The following SAMD12 variants were observed in gnomAD, a reference collection of about 807,000 sequenced individuals.
SAMD12 encodes sterile alpha motif domain containing 12.
A neutral mutation model predicts 15.0 loss-of-function variants in SAMD12; 9 were observed. That is an observed-to-expected ratio of 0.60 (90% CI 0.36 to 1.05). SAMD12 has a LOEUF of 1.05. Ranked by LOEUF, SAMD12 falls within the 50% of genes least tolerant of loss-of-function variation. The pLI is 0.01. For synonymous variants in SAMD12, 86 were observed against 90.1 expected (o/e 0.96, Z 0.25); for missense variants, 230 against 234.2 (o/e 0.98, Z 0.12).
intron 2 of SAMD12, among the ~76,000 whole-genome samples, chr8:118,543,308 A>C (rs1826035058): frequency 2.0e-5 from 3 of 152,180 alleles, no homozygotes; most frequent in Admixed American, 1.3e-4. Flanking sequence ...TACAACTTCC[A>C]AATCTCTTAT....
rs1483676886 is a variant in SAMD12 at position 118,580,951 on chromosome 8, G to A, written c.14-58C>T. 4 of 1,371,882 alleles carry A rather than the reference G, an allele frequency of 2.9e-6. No homozygotes were observed. The Admixed American group carries it at 8.6e-5, about 29-fold the overall frequency. 85.0% of individuals were successfully genotyped at this position (1,371,882 alleles called of 1,614,324 possible). On this transcript the variant is annotated intron_variant, in intron 1 of 3. Coordinates refer to ENST00000314727, the MANE Select transcript of SAMD12 (RefSeq NM_207506.3). ...CAAACCACATAAAGAAGGTGTCCAT[G>A]ACAGAAAATATTCATCAAGCCTAAG...
At chr8:118,510,263 C>T (rs1038110943) in intron 2 of SAMD12, among the ~76,000 whole-genome samples, 2 of 152,158 alleles carry the variant, frequency 1.3e-5, no homozygotes, top group Admixed American at 1.3e-4. Context: ...TGCACACACA[C>T]ACACACAAAT....
the SAMD12 span, among the ~76,000 whole-genome samples, chr8:118,132,307 T>C: frequency 6.6e-6 from 1 of 152,304 alleles, no homozygotes; most frequent in South Asian, 2.1e-4. Context: ...TTTGCAACAT[T>C]CAAAGTTTTT....
intron 1 of SAMD12, among the ~76,000 whole-genome samples, chr8:118,609,773 A>T (rs1828063392): frequency 1.3e-5 from 2 of 152,138 alleles, no homozygotes; most frequent in Non-Finnish European, 2.9e-5. Flanking sequence ...CATTCTATTT[A>T]AAAAACAAAA....
chr8:118,549,183 C>T (rs1048115302), intron 2 of SAMD12, among the ~76,000 whole-genome samples: 2 of 152,208 alleles, frequency 1.3e-5, no homozygotes, highest in South Asian at 4.1e-4. Context: ...CAGTGGTTCT[C>T]CCAGCACACA....
chr8:118,504,279 C>T (rs985327446), intron 2 of SAMD12, among the ~76,000 whole-genome samples: 1 of 152,148 alleles, frequency 6.6e-6, no homozygotes, highest in Admixed American at 6.5e-5. Context: ...CATAAAGAAG[C>T]CCGGAGAAAA....
At chr8:118,139,453 G>A in the SAMD12 span, among the ~76,000 whole-genome samples, 1 of 152,162 alleles carries the variant, frequency 6.6e-6, no homozygotes, top group Non-Finnish European at 1.5e-5. Flanking sequence ...CAAACTCCTA[G>A]CTTGAAGCCC....
Position 118,442,664 on chromosome 8 carries a change from C to T in SAMD12, c.193-2703G>A, listed in dbSNP as rs1390568679. On this transcript the variant is annotated intron_variant, in intron 2 of 3. Transcript: ENST00000314727. ...CTAGAAATCACTTACCACCATGTTTCACAAGTCAGCACCTCTGAATCTAGT... is the reference window on the plus strand; with the variant it reads ...CTAGAAATCACTTACCACCATGTTTTACAAGTCAGCACCTCTGAATCTAGT... Among the ~76,000 whole-genome samples, 2 of 152,202 alleles carry T rather than the reference C, an allele frequency of 1.3e-5. 1 individual carries two copies. The highest frequency in any genetic ancestry group is 2.9e-5 in the Non-Finnish European group (2 of 68,040).
chr8:118,185,824 C>T (rs974013246), downstream of SAMD12, among the ~76,000 whole-genome samples: 3 of 152,268 alleles, frequency 2.0e-5, no homozygotes, highest in East Asian at 1.9e-4. Context: ...TAATTATTTT[C>T]ATTAATAGAA....
chr8:118,592,592 T>C (rs750475707), intron 1 of SAMD12, among the ~76,000 whole-genome samples: 73 of 152,330 alleles, frequency 4.8e-4, no homozygotes, highest in South Asian at 1.0e-3. Context: ...AGTCAATACA[T>C]AGAAAGTGGT....
intron 1 of SAMD12, among the ~76,000 whole-genome samples, chr8:118,607,188 A>G (rs1190600133): frequency 1.3e-5 from 2 of 152,130 alleles, no homozygotes; most frequent in Non-Finnish European, 2.9e-5. Context: ...TCACGTTTTT[A>G]CAGAAAATTC....
At chr8:118,374,449 G>T (rs1404277335), downstream of SAMD12, among the ~76,000 whole-genome samples, 3 of 152,118 alleles carry the variant, frequency 2.0e-5, no homozygotes, top group Non-Finnish European at 4.4e-5. Context: ...GAACATGGGT[G>T]TACAATTATT....
intron 4 of SAMD12, among the ~76,000 whole-genome samples, chr8:118,333,321 C>A (rs908410433): frequency 6.6e-6 from 1 of 152,060 alleles, no homozygotes; most frequent in Admixed American, 6.5e-5. Flanking sequence ...TGTGTTATGG[C>A]GCTCCAACCT....
intron 2 of SAMD12, among the ~76,000 whole-genome samples, chr8:118,575,746 G>T (rs1478355527): frequency 6.6e-6 from 1 of 152,106 alleles, no homozygotes; most frequent in Non-Finnish European, 1.5e-5. Flanking sequence ...TATTTGACAG[G>T]CATAAAAACA....
At chr8:118,191,796 A>C (rs1446167419) in exon 5 of SAMD12, 1 of 66,328 alleles carries the variant, frequency 1.5e-5, no homozygotes, top group African/African-American at 5.9e-5. Context: ...ATATATATAT[A>C]TATATATATA....
the SAMD12 span, among the ~76,000 whole-genome samples, chr8:118,134,398 T>C: frequency 3.9e-5 from 6 of 152,330 alleles, no homozygotes; most frequent in East Asian, 5.8e-4. Context: ...ACAAATTCAA[T>C]AGGGGATTTG....
exon 5 of SAMD12, chr8:118,192,815 CT>C: frequency 6.6e-6 from 1 of 152,260 alleles, no homozygotes; most frequent in South Asian, 2.1e-4. Flanking sequence ...CATATGTTTA[CT>C]TTTACATTAC....
At chr8:118,338,020 C>T (rs1289134310) in intron 4 of SAMD12, among the ~76,000 whole-genome samples, 2 of 152,192 alleles carry the variant, frequency 1.3e-5, no homozygotes, top group African/African-American at 2.4e-5. Context: ...GTATCCCCTA[C>T]AGATAAGGGG....
chr8:118,289,157 C>T (rs1814221613), intron 4 of SAMD12, among the ~76,000 whole-genome samples: 1 of 152,194 alleles, frequency 6.6e-6, no homozygotes, highest in African/African-American at 2.4e-5. Flanking sequence ...ACAGTCATCT[C>T]AGCAGTTTCA....
Sources: gnomAD v4.1 joint callset for allele counts (sites outside exome capture counted in the v4.1 genomes callset) on GRCh38, gnomAD v4.1.1 for gene constraint, MANE v1.5 for transcripts, NCBI Gene and HGNC (gene_info 2026-07-23, HGNC 2026-07-21) for gene names.